The following PSD3 variants were observed in gnomAD, a reference collection of about 807,000 sequenced individuals.
PSD3 encodes pleckstrin and Sec7 domain containing 3.
Under a neutral mutation model 105.5 loss-of-function variants are expected in PSD3, and 49 were observed. The observed-to-expected ratio is 0.46, with a 90% confidence interval of 0.37 to 0.59. The LOEUF (loss-of-function observed/expected upper bound fraction) is 0.59. Among genes scored for constraint, PSD3 ranks in the 20% least tolerant of loss-of-function variants. The pLI is 0.00. For missense variants in PSD3, 1,561 were observed against 1,263.8 expected, an observed-to-expected ratio of 1.24 and a Z score of -3.57; for synonymous variants, 557 against 457.8, an observed-to-expected ratio of 1.22 and a Z score of -2.77.
At chr8:19,084,323 G>A in exon 1 of PSD3, 1 of 456,280 alleles carries the variant, frequency 2.2e-6, no homozygotes, top group South Asian at 1.5e-5. Flanking sequence ...CCTCCTTACA[G>A]CTCCTGGGGA....
intron 1 of PSD3, among the ~76,000 whole-genome samples, chr8:19,021,245 T>C (rs182415284): frequency 6.6e-6 from 1 of 152,354 alleles, no homozygotes; most frequent in East Asian, 1.9e-4. Flanking sequence ...TTTTCCTTTC[T>C]ACAGTTTTCA....
At chr8:19,080,570 T>C (rs7834672) in intron 1 of PSD3, among the ~76,000 whole-genome samples, 148,797 of 152,248 alleles carry the variant, frequency 0.98, 72,808 homozygotes, top group East Asian at 1. Flanking sequence ...ATTAGGTAAA[T>C]GAATGATGTC....
At chr8:18,781,907 C>T (rs1423968855) in intron 8 of PSD3, among the ~76,000 whole-genome samples, 1 of 152,008 alleles carries the variant, frequency 6.6e-6, no homozygotes, top group Non-Finnish European at 1.5e-5. Context: ...ATGTTATCTG[C>T]TCAGGTTATT....
intron 4 of PSD3, among the ~76,000 whole-genome samples, chr8:18,829,538 C>A (rs1411803905): frequency 6.6e-6 from 1 of 152,174 alleles, no homozygotes; most frequent in Non-Finnish European, 1.5e-5. Context: ...AGTCTTGAGC[C>A]TCATTTCCCA....
At chr8:18,647,512 T>C (rs558481055) in intron 10 of PSD3, among the ~76,000 whole-genome samples, 2 of 151,912 alleles carry the variant, frequency 1.3e-5, no homozygotes, top group Non-Finnish European at 2.9e-5. Flanking sequence ...AGAACAAATG[T>C]GCTAAATGAC....
At position 18,953,813 on chromosome 8, in the gene PSD3, T is replaced by C. The variant is rs1332511838; in HGVS notation, c.22-17671A>G. ...AGGATGGAATACAGTGGAGCAATTT[T>C]TTAACATGAGGTAAACTCGCATATA... On this transcript the variant is annotated intron_variant, in intron 1 of 15. Coordinates refer to ENST00000327040, the MANE Select transcript of PSD3 (RefSeq NM_015310.4). 2.6e-5 allele frequency among the ~76,000 whole-genome samples: 4 copies of C among 152,028 alleles called. No homozygotes were observed. In the South Asian group the frequency reaches 8.3e-4, roughly 32 times the overall value.
chr8:18,799,920 T>C (rs140288492), intron 7 of PSD3, among the ~76,000 whole-genome samples: 2 of 152,316 alleles, frequency 1.3e-5, no homozygotes, highest in Admixed American at 6.5e-5. Flanking sequence ...CAATTTACGC[T>C]AAATTAGAAG....
chr8:18,680,279 G>T (rs188126786), intron 9 of PSD3, among the ~76,000 whole-genome samples: 1 of 152,204 alleles, frequency 6.6e-6, no homozygotes, highest in East Asian at 1.9e-4. Context: ...CCATATCCAT[G>T]GGTTTTGAAA....
At chr8:18,638,558 A>C (rs1483916008) in intron 10 of PSD3, among the ~76,000 whole-genome samples, 3 of 149,950 alleles carry the variant, frequency 2.0e-5, no homozygotes, top group Non-Finnish European at 3.0e-5. Context: ...ACAAAAAAAA[A>C]CAAGTAGGAA....
At chr8:18,950,354 T>G (rs1162262421) in intron 1 of PSD3, among the ~76,000 whole-genome samples, 2 of 152,228 alleles carry the variant, frequency 1.3e-5, no homozygotes, top group Non-Finnish European at 2.9e-5. Context: ...TTTTTGTATT[T>G]TGTGGTAGCA....
intron 9 of PSD3, among the ~76,000 whole-genome samples, chr8:18,667,603 A>G (rs1799545842): frequency 1.3e-5 from 2 of 152,290 alleles, no homozygotes; most frequent in Admixed American, 1.3e-4. Context: ...TAGATTTAGG[A>G]GCCCAGCTGG....
At chr8:19,080,752 A>T (rs1301541458) in intron 1 of PSD3, among the ~76,000 whole-genome samples, 2 of 152,212 alleles carry the variant, frequency 1.3e-5, no homozygotes, top group African/African-American at 2.4e-5. Context: ...AAGGAAGACC[A>T]AAATAGAGCA....
At chr8:18,910,931 T>G (rs1820176976) in intron 2 of PSD3, among the ~76,000 whole-genome samples, 1 of 140,232 alleles carries the variant, frequency 7.1e-6, no homozygotes, top group Admixed American at 7.5e-5. Flanking sequence ...TACATAAAAT[T>G]CAAAAAAATA....
intron 11 of PSD3, among the ~76,000 whole-genome samples, chr8:18,608,656 C>A (rs760150505): frequency 2.0e-5 from 3 of 152,014 alleles, no homozygotes. Flanking sequence ...AAGTGAAATG[C>A]TTAACGGGGA....
chr8:18,689,865 T>C (rs1019199810), intron 9 of PSD3, among the ~76,000 whole-genome samples: 4 of 152,176 alleles, frequency 2.6e-5, no homozygotes, highest in Non-Finnish European at 1.5e-5. Flanking sequence ...TCAGCAAGAA[T>C]CATCTTCAAT....
chr8:19,065,001 TA>T (rs1194672187), intron 1 of PSD3, among the ~76,000 whole-genome samples: 1 of 152,172 alleles, frequency 6.6e-6, no homozygotes, highest in East Asian at 1.9e-4. Context: ...ATAATTAAAC[TA>T]AACTTTAAAA....
intron 14 of PSD3, among the ~76,000 whole-genome samples, chr8:18,568,126 G>A (rs1053969122): frequency 2.6e-5 from 4 of 151,984 alleles, no homozygotes; most frequent in East Asian, 1.9e-4. Flanking sequence ...GCCATGCTTC[G>A]TGTATAGCCT....
chr8:18,808,787 C>T lies in PSD3; in HGVS notation c.1635-3889G>A, dbSNP rs750185828. The T allele has an allele frequency of 1.2e-5, 20 of 1,613,936 alleles. No individual in the cohort carries two copies. In the Admixed American group the frequency reaches 1.5e-4, roughly 12 times the overall value. On this transcript the variant is annotated intron_variant, in intron 4 of 15. Transcript: ENST00000327040. The stretch of plus-strand genomic sequence containing the variant: ...CATACAGACACCAAGAAGAGCCCAT[C>T]GCAACCCCTGGGGTGCGCCTGGACC...
chr8:18,996,177 T>G (rs7824049), intron 1 of PSD3, among the ~76,000 whole-genome samples: 52,758 of 151,320 alleles, frequency 0.35, 9,632 homozygotes, highest in East Asian at 0.44. Context: ...TGGGGCCTTT[T>G]GTGTTTAATG....
Sources: allele counts gnomAD v4.1 joint callset (sites outside exome capture counted in the v4.1 genomes callset), GRCh38; gene constraint gnomAD v4.1.1; transcripts MANE v1.5; gene names NCBI Gene and HGNC (gene_info 2026-07-23, HGNC 2026-07-21).